Variants in IFT140 observed in about 807,000 individuals in gnomAD.
IFT140 encodes intraflagellar transport 140, also known as intraflagellar transport protein 140 homolog.
Under a neutral mutation model 164.6 loss-of-function variants are expected in IFT140, and 133 were observed. The observed-to-expected ratio is 0.81, with a 90% CI of 0.70 to 0.93. The LOEUF (loss-of-function observed/expected upper bound fraction) is 0.93. IFT140 is among the 40% of genes least tolerant of loss of function. The pLI, the probability that IFT140 is intolerant of heterozygous loss-of-function variation, is 0.00. For synonymous variants in IFT140, 860 were observed against 817.3 expected, an observed-to-expected ratio of 1.05 and a Z score of -0.89; for missense variants, 2,045 against 1,972.3, an observed-to-expected ratio of 1.04 and a Z score of -0.70.
At chr16:1,575,204 TATA>T (rs552535947) in intron 13 of IFT140, among the ~76,000 whole-genome samples, 15 of 148,376 alleles carry the variant, frequency 1.0e-4, no homozygotes, top group South Asian at 8.6e-4. Context: ...TCTACAAAAA[TATA>T]ATAATAATAA....
At chr16:1,606,281 T>C (rs2036056510) in intron 3 of IFT140, among the ~76,000 whole-genome samples, 1 of 152,258 alleles carries the variant, frequency 6.6e-6, no homozygotes, top group Non-Finnish European at 1.5e-5. Context: ...CAAACAGCAC[T>C]GTGGGGACAT....
chr16:1,548,355 G>T (rs2032345082), intron 19 of IFT140, among the ~76,000 whole-genome samples: 1 of 152,226 alleles, frequency 6.6e-6, no homozygotes, highest in African/African-American at 2.4e-5. Context: ...GAAGGCCTGT[G>T]ACAGAAGCTG....
intron 15 of IFT140, among the ~76,000 whole-genome samples, chr16:1,567,085 C>T (rs911436960): frequency 2.6e-5 from 4 of 152,100 alleles, no homozygotes; most frequent in African/African-American, 9.7e-5. Flanking sequence ...CACCCAGTTT[C>T]CTTTCCCACC....
At position 1,564,266 on chromosome 16, in the gene IFT140, A is replaced by T; in HGVS notation, c.1902-104T>A. On this transcript the variant is annotated intron_variant, in intron 16 of 30. Transcript: ENST00000426508. The surrounding 1 kb of genome is among the most constrained non-coding windows in gnomAD (Gnocchi z 5.5). ...AAGCCTCCAGGTGCTGTCCCAGACCATGGTGTCCACGCGCTCAGCTCTGGG... is the reference window on the plus strand; with the variant it reads ...AAGCCTCCAGGTGCTGTCCCAGACCTTGGTGTCCACGCGCTCAGCTCTGGG... 1 of 981,010 alleles carries T rather than the reference A, an allele frequency of 1.0e-6. No homozygotes were observed. The highest frequency in any genetic ancestry group is 1.4e-6 in the Non-Finnish European group (1 of 695,048). The allele number at this position is 981,010 out of a possible 1,614,324, so 60.8% of individuals were successfully genotyped here.
chr16:1,604,231 C>CTT lies in IFT140; in HGVS notation c.148-1641_148-1640insAA, dbSNP rs1467384484. On this transcript the variant is annotated intron_variant, in intron 3 of 30. Transcript: ENST00000426508. ...GCCAGTATATGGAGGAGCCTGCTGG[C>CTT]AACAGGGGAGCCGCTGACCAGCGCT... 2.7e-5 allele frequency among the ~76,000 whole-genome samples: 4 copies of CTT among 149,670 alleles called. No homozygotes were observed. The East Asian group carries it at 7.9e-4, about 30-fold the overall frequency.
At chr16:1,603,560 C>T (rs2035900382) in intron 3 of IFT140, among the ~76,000 whole-genome samples, 1 of 152,044 alleles carries the variant, frequency 6.6e-6, no homozygotes, top group African/African-American at 2.4e-5. Context: ...TCTGAGCTCA[C>T]CGCAACCTCC....
intron 19 of IFT140, 145 bp from the exon 20 acceptor site, chr16:1,526,941 CT>C (rs1596307422): frequency 1.2e-6 from 1 of 845,828 alleles, no homozygotes; most frequent in Non-Finnish European, 1.8e-6. Flanking sequence ...GGCTCCGCCC[CT>C]GGGCAAGACT....
In IFT140 at chr16:1,580,623, G is replaced by A. The variant is rs753595754; in HGVS notation, c.1524+136C>T. On this transcript the variant is annotated intron_variant, in intron 13 of 30. Coordinates refer to ENST00000426508, the MANE Select transcript of IFT140 (RefSeq NM_014714.4). ...AGCCTCTTTTCTTTATAAATTACCC[G>A]GTCTCAGGTAGTTCTTTACACAGTG... The A allele has an allele frequency of 1.8e-4, 103 of 588,312 alleles. 1 individual carries two copies. Among genetic ancestry groups the A allele is most frequent in the South Asian group, 1.5e-4 (7 of 47,278 alleles). The allele number at this position is 588,312 out of a possible 1,614,324, so 36.4% of individuals were successfully genotyped here. A position where few individuals can be genotyped will look rare whatever the true frequency, so the allele number is the denominator to read the frequency against.
chr16:1,560,295 C>T (rs1226361648), intron 18 of IFT140, among the ~76,000 whole-genome samples: 1 of 152,246 alleles, frequency 6.6e-6, no homozygotes, highest in Non-Finnish European at 1.5e-5. Flanking sequence ...GACGCATAAA[C>T]CAGCACCACG....
chr16:1,535,298 G>A (rs1440075133), intron 19 of IFT140, among the ~76,000 whole-genome samples: 2 of 152,140 alleles, frequency 1.3e-5, no homozygotes, highest in African/African-American at 4.8e-5. Context: ...TGATGCCACC[G>A]CACCGTGGGG....
chr16:1,569,299 C>T lies in IFT140; in HGVS notation c.1653-965G>A, dbSNP rs956866959. ...TTGGGATTACAGGCGTGAGCCACCG[C>T]GCTCGGCCGTGGAATTCTTTTCTAT... On this transcript the variant is annotated intron_variant, in intron 14 of 30. Transcript: ENST00000426508. 4.6e-5 allele frequency among the ~76,000 whole-genome samples: 7 copies of T among 152,156 alleles called. No homozygotes were observed. In the East Asian group the frequency reaches 9.7e-4, roughly 21 times the overall value.
rs2040612392 is a variant in IFT140, at chr16:1,524,415, G to A, written c.3141+137C>T. The A allele has an allele frequency of 5.1e-6, 6 of 1,187,142 alleles. No individual in the cohort carries two copies. The South Asian group carries it at 7.7e-5, about 15-fold the overall frequency. 73.5% of individuals were successfully genotyped at this position (1,187,142 alleles called of 1,614,324 possible). A position where few individuals can be genotyped will look rare whatever the true frequency, so the allele number is the denominator to read the frequency against. ...GGCAGAGGGGTGGGCGGGTGAGGCA[G>A]ACGGGGTGAGCAGTGAGTGGCAGAC... On this transcript the variant is annotated intron_variant, in intron 24 of 30. Transcript: ENST00000426508.
intron 30 of IFT140, among the ~76,000 whole-genome samples, chr16:1,515,592 C>T (rs2040313368): frequency 6.6e-6 from 1 of 152,008 alleles, no homozygotes; most frequent in South Asian, 2.1e-4. Context: ...GAGATGGGGT[C>T]TCACTTGTTA....
intron 8 of IFT140, 143 bp from the exon 9 acceptor site, chr16:1,587,447 C>T: frequency 1.6e-6 from 1 of 628,544 alleles, no homozygotes; most frequent in East Asian, 2.7e-5. Flanking sequence ...ACGAACACTG[C>T]TGTTACATTT....
rs543218270 is a variant in IFT140, at chr16:1,568,460, G to A, written c.1653-126C>T. On this transcript the variant is annotated intron_variant, in intron 14 of 30. Transcript: ENST00000426508. ...CTTAGGCTGCTTCTCACCCTGGGTG[G>A]CGCGTGTGCACCATGAGGTGGGGCA... 54 of 751,972 alleles carry A rather than the reference G, an allele frequency of 7.2e-5. No homozygotes were observed. In the African/African-American group the frequency reaches 8.8e-4, roughly 12 times the overall value. The allele number at this position is 751,972 out of a possible 1,614,324, so 46.6% of individuals were successfully genotyped here.
chr16:1,582,875 CCTGGGCAACAATGGCAAAACT>C (rs1422071321), intron 12 of IFT140, among the ~76,000 whole-genome samples: 2 of 152,238 alleles, frequency 1.3e-5, no homozygotes, highest in Non-Finnish European at 2.9e-5. Flanking sequence ...TGCACTCCAG[CCTGGGCAACAATGGCAAAACT>C]AACCGCAGAG....
chr16:1,516,169 A>AAAAAAAAAAAAAAC (rs2040336232), intron 30 of IFT140, among the ~76,000 whole-genome samples: 3 of 124,266 alleles, frequency 2.4e-5, no homozygotes, highest in Non-Finnish European at 5.0e-5. Flanking sequence ...AAAAAAAAAA[A>AAAAAAAAAAAAAAC]AAAAAAAAAC....
At chr16:1,597,694 A>G (rs2035534560) in intron 4 of IFT140, among the ~76,000 whole-genome samples, 1 of 152,192 alleles carries the variant, frequency 6.6e-6, no homozygotes, top group African/African-American at 2.4e-5. Flanking sequence ...AGGATTAGGC[A>G]TTTCTGCTCT....
chr16:1,607,556 G>A (rs1328057827), intron 2 of IFT140, among the ~76,000 whole-genome samples: 2 of 152,162 alleles, frequency 1.3e-5, no homozygotes, highest in African/African-American at 4.8e-5. Context: ...ATCAAAGGAG[G>A]AAAGAAAGAA....
Sources: allele counts gnomAD v4.1 joint callset (sites outside exome capture counted in the v4.1 genomes callset), GRCh38; gene constraint gnomAD v4.1.1; non-coding constraint Gnocchi (gnomAD v3.1); transcripts MANE v1.5; gene names NCBI Gene and HGNC (gene_info 2026-07-23, HGNC 2026-07-21).